Variants in THSD7B observed in about 807,000 individuals in gnomAD.
THSD7B encodes the protein thrombospondin type-1 domain-containing protein 7B.
In THSD7B, 138 loss-of-function variants were observed where a neutral mutation model predicts 213.6. The ratio of observed to expected loss-of-function variants is 0.65; its 90% confidence interval spans 0.56 to 0.74. THSD7B has a LOEUF of 0.74. Ranked by LOEUF, THSD7B falls within the 30% of genes least tolerant of loss-of-function variation. The pLI is 0.00. For missense variants in THSD7B, 1,931 were observed against 1,991.5 expected (o/e 0.97, Z 0.58); for synonymous variants, 742 against 687.0 (o/e 1.08, Z -1.25).
intron 5 of THSD7B, among the ~76,000 whole-genome samples, chr2:137,125,993 C>T (rs1688623697): frequency 1.3e-5 from 2 of 152,020 alleles, no homozygotes; most frequent in Admixed American, 1.3e-4. Context: ...CAACAGTGGG[C>T]TTAAAATATT....
intron 12 of THSD7B, among the ~76,000 whole-genome samples, chr2:137,282,680 G>A (rs907632094): frequency 3.3e-5 from 5 of 152,104 alleles, no homozygotes; most frequent in African/African-American, 1.2e-4. Flanking sequence ...CCCATTGCTT[G>A]TTTTTGTCAG....
chr2:137,647,551 T>C (rs557074192), intron 21 of THSD7B, among the ~76,000 whole-genome samples: 1 of 151,290 alleles, frequency 6.6e-6, no homozygotes, highest in Admixed American at 6.6e-5. Flanking sequence ...GCAGCAGCAA[T>C]AGTCACAAAG....
intron 12 of THSD7B, among the ~76,000 whole-genome samples, chr2:137,298,807 C>T (rs1430736233): frequency 6.6e-6 from 1 of 152,166 alleles, no homozygotes; most frequent in African/African-American, 2.4e-5. Flanking sequence ...GAAACCTCTG[C>T]CTAGATTTCA....
At chr2:137,427,444 GGT>G (rs1687084029) in intron 14 of THSD7B, among the ~76,000 whole-genome samples, 1 of 151,866 alleles carries the variant, frequency 6.6e-6, no homozygotes, top group African/African-American at 2.4e-5. Context: ...AATAAATTAT[GGT>G]GTGTGGGGTA....
intron 2 of THSD7B, among the ~76,000 whole-genome samples, chr2:136,995,136 C>A (rs1685859529): frequency 6.6e-6 from 1 of 152,200 alleles, no homozygotes; most frequent in Non-Finnish European, 1.5e-5. Context: ...GTAGAAGGAT[C>A]AATCCTACCC....
At chr2:137,127,701 G>C (rs1325040787) in intron 5 of THSD7B, among the ~76,000 whole-genome samples, 2 of 152,140 alleles carry the variant, frequency 1.3e-5, no homozygotes, top group African/African-American at 2.4e-5. Context: ...TGGATTTCTT[G>C]AGGTCAAGAG....
chr2:137,202,181 AT>A (rs1214293302), intron 7 of THSD7B, among the ~76,000 whole-genome samples: 2 of 152,084 alleles, frequency 1.3e-5, no homozygotes, highest in African/African-American at 4.8e-5. Flanking sequence ...CTTTTGTATG[AT>A]TTTGTTTTCA....
At chr2:136,769,117 T>C (rs1037278520) in intron 1 of THSD7B, among the ~76,000 whole-genome samples, 1 of 152,222 alleles carries the variant, frequency 6.6e-6, no homozygotes, top group African/African-American at 2.4e-5. Context: ...GTGGACGTTT[T>C]AGTAGGATGT....
chr2:137,597,805 C>A (rs1681991415), intron 17 of THSD7B, among the ~76,000 whole-genome samples: 1 of 152,038 alleles, frequency 6.6e-6, no homozygotes, highest in African/African-American at 2.4e-5. Flanking sequence ...TTAGTGGTTA[C>A]CATTTAATTA....
intron 2 of THSD7B, among the ~76,000 whole-genome samples, chr2:136,982,263 A>G (rs1685588760): frequency 6.6e-6 from 1 of 151,880 alleles, no homozygotes; most frequent in African/African-American, 2.4e-5. Flanking sequence ...TACTCTTTCT[A>G]GGTAAGATAA....
intron 2 of THSD7B, among the ~76,000 whole-genome samples, chr2:137,005,374 A>G (rs1310758320): frequency 6.6e-6 from 1 of 152,238 alleles, no homozygotes; most frequent in African/African-American, 2.4e-5. Flanking sequence ...ATCATCTGCT[A>G]TCTTTTCTCC....
At chr2:137,664,973 T>C (rs1488954160) in intron 26 of THSD7B, among the ~76,000 whole-genome samples, 1 of 152,268 alleles carries the variant, frequency 6.6e-6, no homozygotes, top group Admixed American at 6.5e-5. Context: ...TGATGACCTG[T>C]TTAAATGAAG....
chr2:137,362,802 C>T (rs924462476), intron 12 of THSD7B, among the ~76,000 whole-genome samples: 2 of 152,122 alleles, frequency 1.3e-5, no homozygotes, highest in African/African-American at 4.8e-5. Context: ...CTTTAACACC[C>T]CACTGTCAAT....
At chr2:137,149,597 G>A (rs1679773779) in intron 5 of THSD7B, among the ~76,000 whole-genome samples, 1 of 152,200 alleles carries the variant, frequency 6.6e-6, no homozygotes, top group African/African-American at 2.4e-5. Flanking sequence ...AGCTGCCCAA[G>A]GCCATGAGAG....
intron 2 of THSD7B, among the ~76,000 whole-genome samples, chr2:137,017,539 G>A (rs973278996): frequency 6.6e-6 from 1 of 152,114 alleles, no homozygotes; most frequent in African/African-American, 2.4e-5. Context: ...ATCATCTGCT[G>A]TGTGTCACAG....
intron 1 of THSD7B, among the ~76,000 whole-genome samples, chr2:136,819,634 G>C (rs1040374850): frequency 6.6e-6 from 1 of 152,136 alleles, no homozygotes; most frequent in African/African-American, 2.4e-5. Flanking sequence ...CCACCACCTG[G>C]AGGAAGGAAT....
At chr2:137,006,838 A>T (rs188127212) in intron 2 of THSD7B, among the ~76,000 whole-genome samples, 7 of 152,358 alleles carry the variant, frequency 4.6e-5, no homozygotes, top group Non-Finnish European at 7.4e-5. Context: ...GTAGCCATAC[A>T]GTTTTAAAAG....
chr2:137,503,299 A>G (rs1007884959), intron 15 of THSD7B, among the ~76,000 whole-genome samples: 1 of 152,122 alleles, frequency 6.6e-6, no homozygotes, highest in Non-Finnish European at 1.5e-5. Flanking sequence ...TATTTCTCCT[A>G]CCCTAATCAG....
At chr2:137,176,940 A>G (rs1160705341) in intron 7 of THSD7B, among the ~76,000 whole-genome samples, 1 of 134,262 alleles carries the variant, frequency 7.4e-6, no homozygotes, top group African/African-American at 2.7e-5. Context: ...TCTTTGTCAC[A>G]GAGTTTCATT....
Sources: allele counts gnomAD v4.1 joint callset (sites outside exome capture counted in the v4.1 genomes callset), GRCh38; gene constraint gnomAD v4.1.1; transcripts MANE v1.5; gene names NCBI Gene and HGNC (gene_info 2026-07-23, HGNC 2026-07-21).